The following TTC7B variants were observed in gnomAD, a reference collection of about 807,000 sequenced individuals.
TTC7B encodes tetratricopeptide repeat domain 7B, also known as tetratricopeptide repeat protein 7B.
Under a neutral mutation model 106.8 loss-of-function variants are expected in TTC7B, and 28 were observed. That is an observed-to-expected ratio of 0.26 (90% CI 0.19 to 0.36). The LOEUF is 0.36. Ranked by LOEUF, TTC7B falls within the 10% of genes least tolerant of loss-of-function variation. The pLI is 1.00. For missense variants in TTC7B, 862 were observed against 1,076.4 expected (o/e 0.80, Z 2.79); for synonymous variants, 405 against 430.6 (o/e 0.94, Z 0.74).
At chr14:90,617,828 G>A in intron 16 of TTC7B, 101 bp downstream of exon 16, 1 of 864,418 alleles carries the variant, frequency 1.2e-6, no homozygotes, top group Non-Finnish European at 1.9e-6. Flanking sequence ...AGGTGCACAG[G>A]GGTGACAGAG....
At chr14:90,568,353 C>T (rs988617804) in intron 19 of TTC7B, among the ~76,000 whole-genome samples, 6 of 152,252 alleles carry the variant, frequency 3.9e-5, no homozygotes, top group East Asian at 1.9e-4. Flanking sequence ...ACTGAAATAA[C>T]GGGGCAGAAT....
At chr14:90,667,988 T>C (rs747531350) in intron 9 of TTC7B, among the ~76,000 whole-genome samples, 12 of 152,188 alleles carry the variant, frequency 7.9e-5, no homozygotes, top group Admixed American at 2.0e-4. Flanking sequence ...ATATGCATAG[T>C]GGCCTGTGGA....
intron 9 of TTC7B, among the ~76,000 whole-genome samples, chr14:90,660,395 CAAAAAAAAAAAAAAAAAAA>C (rs57030874): frequency 2.4e-5 from 1 of 40,892 alleles, no homozygotes; most frequent in Non-Finnish European, 4.3e-5. Context: ...CACCCTGTCT[CAAAAAAAAAAAAAAAAAAA>C]AAAAAAAGAA....
chr14:90,626,889 C>T (rs1884467501), intron 15 of TTC7B, among the ~76,000 whole-genome samples: 1 of 152,116 alleles, frequency 6.6e-6, no homozygotes, highest in Non-Finnish European at 1.5e-5. Flanking sequence ...GGAATGAAGC[C>T]CTGGCAAATC....
intron 1 of TTC7B, among the ~76,000 whole-genome samples, chr14:90,815,645 C>T (rs2031128021): frequency 6.6e-6 from 1 of 152,084 alleles, no homozygotes; most frequent in South Asian, 2.1e-4. Flanking sequence ...CCACACACCT[C>T]GAGTCTGCGC....
chr14:90,602,466 C>T (rs868827638), intron 17 of TTC7B, among the ~76,000 whole-genome samples: 5 of 152,264 alleles, frequency 3.3e-5, no homozygotes, highest in Middle Eastern at 6.8e-3. Flanking sequence ...TTTTGGGAGG[C>T]GAGGTGGGAG....
At chr14:90,782,476 G>A (rs777033620) in intron 2 of TTC7B, among the ~76,000 whole-genome samples, 11 of 152,142 alleles carry the variant, frequency 7.2e-5, no homozygotes, top group Non-Finnish European at 1.5e-4. Context: ...GTGCACACCT[G>A]TAATCCCAGC....
At chr14:90,703,074 C>T (rs1888058706) in intron 5 of TTC7B, among the ~76,000 whole-genome samples, 1 of 152,170 alleles carries the variant, frequency 6.6e-6, no homozygotes, top group Admixed American at 6.5e-5. Flanking sequence ...GAGGAAAGCT[C>T]GCCACTTCCA....
At chr14:90,707,656 A>T (rs1408083774) in intron 5 of TTC7B, among the ~76,000 whole-genome samples, 3 of 152,220 alleles carry the variant, frequency 2.0e-5, no homozygotes, top group Non-Finnish European at 4.4e-5. Context: ...GCTGATAGGG[A>T]AAAAGTCTGC....
Position 90,617,924 on chromosome 14 carries a change from C to T in TTC7B, c.1868+5G>A. The T allele has an allele frequency of 6.2e-7, 1 of 1,612,322 alleles. No individual in the cohort carries two copies. On this transcript the variant is annotated splice_donor_5th_base_variant and intron_variant, in intron 16 of 19. Coordinates refer to ENST00000328459, the MANE Select transcript of TTC7B (RefSeq NM_001010854.2). ...CACGCAAAGCAGGCCCTGCTGGCCT[C>T]TTACCTGGGGTTGGTGAGGTTGTAG...
intron 9 of TTC7B, among the ~76,000 whole-genome samples, chr14:90,671,859 G>C (rs555426429): frequency 2.0e-5 from 3 of 152,340 alleles, no homozygotes; most frequent in East Asian, 1.9e-4. Context: ...TCTTGAGATG[G>C]GAGAGCAGCC....
At position 90,608,655 on chromosome 14, in the gene TTC7B, G is replaced by C. The variant is rs974393528; in HGVS notation, c.1966+2087C>G. ...CCCAACCCAGGGCAGTGACACCGCA[G>C]ACTGTGTCACACAGGCACATCTTCC... On this transcript the variant is annotated intron_variant, in intron 17 of 19. Transcript: ENST00000328459. This position sits in a 1 kb window ranked among gnomAD's most constrained non-coding sequence, Gnocchi z 5.1. Among the ~76,000 whole-genome samples the C allele has an allele frequency of 6.6e-6, 1 of 152,176 alleles. No individual in the cohort carries two copies. Among genetic ancestry groups the C allele is most frequent in the Admixed American group, 6.5e-5 (1 of 15,282 alleles).
chr14:90,666,973 G>A (rs1232872669), intron 9 of TTC7B, among the ~76,000 whole-genome samples: 2 of 152,232 alleles, frequency 1.3e-5, no homozygotes, highest in African/African-American at 4.8e-5. Context: ...TCCATCTGCT[G>A]CTTTGCCAAT....
At chr14:90,681,407 A>T (rs558088226) in intron 7 of TTC7B, among the ~76,000 whole-genome samples, 26 of 152,326 alleles carry the variant, frequency 1.7e-4, no homozygotes, top group African/African-American at 6.0e-4. Flanking sequence ...AGATGACTAA[A>T]AACAACTAAG....
rs904070717 is a variant in TTC7B, at chr14:90,765,590, G to A, written c.445+15148C>T. On this transcript the variant is annotated intron_variant, in intron 3 of 19. Coordinates refer to ENST00000328459, the MANE Select transcript of TTC7B (RefSeq NM_001010854.2). ...GACAACTATTGTACTGGCACAATCTGTTCAATATAACTATTTTGGAACTCC... is the reference window on the plus strand; with the variant it reads ...GACAACTATTGTACTGGCACAATCTATTCAATATAACTATTTTGGAACTCC... 5.3e-5 allele frequency among the ~76,000 whole-genome samples: 8 copies of A among 152,284 alleles called. No homozygotes were observed. In the South Asian group the frequency reaches 1.7e-3, roughly 32 times the overall value.
At chr14:90,803,505 G>A (rs1343713132) in intron 1 of TTC7B, among the ~76,000 whole-genome samples, 1 of 152,172 alleles carries the variant, frequency 6.6e-6, no homozygotes. Context: ...CAGGGCTCCT[G>A]CTGGTTCCTC....
At chr14:90,566,478 AC>A (rs1332105179) in intron 19 of TTC7B, among the ~76,000 whole-genome samples, 1 of 152,048 alleles carries the variant, frequency 6.6e-6, no homozygotes, top group Non-Finnish European at 1.5e-5. Context: ...CTGTGCCTGT[AC>A]CCTCCTCCTT....
At chr14:90,701,949 C>A (rs1451975277) in intron 5 of TTC7B, among the ~76,000 whole-genome samples, 1 of 151,864 alleles carries the variant, frequency 6.6e-6, no homozygotes, top group Non-Finnish European at 1.5e-5. Flanking sequence ...TCAGTTTAAC[C>A]CTAATGGTAT....
At chr14:90,581,222 C>T (rs1469707347) in intron 18 of TTC7B, among the ~76,000 whole-genome samples, 1 of 152,206 alleles carries the variant, frequency 6.6e-6, no homozygotes, top group Non-Finnish European at 1.5e-5. Context: ...AATTCCAGCA[C>T]CATGCACTGA....
Sources: allele counts gnomAD v4.1 joint callset (sites outside exome capture counted in the v4.1 genomes callset), GRCh38; gene constraint gnomAD v4.1.1; non-coding constraint Gnocchi (gnomAD v3.1); transcripts MANE v1.5; gene names NCBI Gene and HGNC (gene_info 2026-07-23, HGNC 2026-07-21).